TRAF7: variants seen among roughly 807,000 people sequenced by gnomAD.
TRAF7 encodes the protein TNF receptor associated factor 7.
In TRAF7, 45 loss-of-function variants were observed where a neutral mutation model predicts 89.3. That is an observed-to-expected ratio of 0.50 (90% confidence interval 0.40 to 0.65). TRAF7 has a LOEUF of 0.65. Among genes scored for constraint, TRAF7 ranks in the 30% least tolerant of loss-of-function variants. TRAF7 has a pLI of 0.00. For synonymous variants in TRAF7, 406 were observed against 369.2 expected (o/e 1.10, Z -1.14); for missense variants, 677 against 918.1 (o/e 0.74, Z 3.39).
rs759354021 is a variant in TRAF7, at chr16:2,170,682, C to T, written c.300C>T (p.Ser100=). 2.5e-6 allele frequency: 4 copies of T among 1,608,622 alleles called. No homozygotes were observed. The highest frequency in any genetic ancestry group is 1.7e-5 in the Admixed American group (1 of 59,800). ...ISVRSLHSES[S]MSLRSTFSLP... ...TCCGCTCCCTGCACTCAGAGTCCAG[C>T]ATGTCTCTGCGCTCCACATTCTCAC... The change falls in exon 5 of 21, where the codon AGC becomes AGT. Residue 100 remains serine, a synonymous_variant. Coordinates refer to ENST00000326181, the MANE Select transcript of TRAF7 (RefSeq NM_032271.3).
rs2093139278 is a variant in TRAF7, at chr16:2,176,863, T to C, written c.*289T>C. The C allele has an allele frequency of 1.8e-6, 1 of 557,934 alleles. No individual in the cohort carries two copies. Among genetic ancestry groups the C allele is most frequent in the East Asian group, 3.1e-5 (1 of 32,710 alleles). 34.6% of individuals were successfully genotyped at this position (557,934 alleles called of 1,614,324 possible). ...CTAGATGGAGCGAGGGCCTTTTTAC[T>C]CACCTTTTCTACCGTTTTTAGACTG... On this transcript the variant is annotated 3_prime_UTR_variant, in exon 21 of 21. Coordinates refer to ENST00000326181, the MANE Select transcript of TRAF7 (RefSeq NM_032271.3).
At position 2,172,237 on chromosome 16, in the gene TRAF7, C is replaced by T. The variant is rs1053459288; in HGVS notation, c.522C>T (p.Asn174=). 1 of 1,613,080 alleles carries T rather than the reference C, an allele frequency of 6.2e-7. No homozygotes were observed. The highest frequency in any genetic ancestry group is 8.5e-7 in the Non-Finnish European group (1 of 1,179,994). Residue 174 remains asparagine (N), a synonymous_variant, in exon 8 of 21, where the codon AAC becomes AAT. Coordinates refer to ENST00000326181, the MANE Select transcript of TRAF7 (RefSeq NM_032271.3). The stretch of plus-strand genomic sequence containing the variant: ...TCAAACTGACCGTGGTGGTGAACAA[C>T]ATCGCGGTGGCCGAGCAGATCGGGG... ...DNVKLTVVVN[N]IAVAEQIGEL...
rs2093061209 is a variant in TRAF7, at chr16:2,162,304, A to G, written c.-38-1579A>G. 6.6e-6 allele frequency among the ~76,000 whole-genome samples: 1 copy of G among 152,132 alleles called. No homozygotes were observed. The highest frequency in any genetic ancestry group is 2.4e-5 in the African/African-American group (1 of 41,434). The stretch of plus-strand genomic sequence containing the variant: ...CCAGGAGCTCAGGTGCAGGGAACCA[A>G]GGGCTTGAGAGCCAGCCCCTCCCTG... On this transcript the variant is annotated intron_variant, in intron 1 of 20. Coordinates refer to ENST00000326181, the MANE Select transcript of TRAF7 (RefSeq NM_032271.3). The surrounding 1 kb of genome is among the most constrained non-coding windows in gnomAD (Gnocchi z 5.0).
chr16:2,175,752 G>C, intron 17 of TRAF7, 82 bp from the exon 18 acceptor site: 1 of 1,595,900 alleles, frequency 6.3e-7, no homozygotes, highest in Non-Finnish European at 8.5e-7. Context: ...GGGCTGCCCA[G>C]CAGTGCTGAA....
In TRAF7 at chr16:2,159,017, A is replaced by T. The variant is rs527794071; in HGVS notation, c.-39+3159A>T. Among the ~76,000 whole-genome samples, 1 of 152,298 alleles carries T rather than the reference A, an allele frequency of 6.6e-6. No homozygotes were observed. The highest frequency in any genetic ancestry group is 2.1e-4 in the South Asian group (1 of 4,828). On this transcript the variant is annotated intron_variant, in intron 1 of 20. Transcript: ENST00000326181. This position sits in a 1 kb window ranked among gnomAD's most constrained non-coding sequence, Gnocchi z 6.5. ...GGTCCCCACACAATAGACAGCCATG[A>T]GATACAGGGGAAAAAAGGACTGAGA...
intron 2 of TRAF7, among the ~76,000 whole-genome samples, chr16:2,165,600 T>C (rs2093082338): frequency 7.4e-6 from 1 of 134,296 alleles, no homozygotes; most frequent in East Asian, 2.2e-4. Context: ...TGGTTAAGCG[T>C]GTGAGTGCTG....
chr16:2,166,069 A>C (rs913058278), intron 3 of TRAF7, 133 bp downstream of exon 3: 16 of 1,104,000 alleles, frequency 1.4e-5, no homozygotes, highest in African/African-American at 3.1e-5. Flanking sequence ...GCAGCCTCAC[A>C]CCGCAGCCTG....
chr16:2,173,376 A>G lies in TRAF7; in HGVS notation c.989A>G (p.Glu330Gly). 6.2e-7 allele frequency: 1 copy of G among 1,613,508 alleles called. No homozygotes were observed. The highest frequency in any genetic ancestry group is 1.1e-5 in the South Asian group (1 of 91,084). The change falls in exon 10 of 21, where the codon GAG becomes GGG. Residue 330 changes from glutamate to glycine, a missense_variant. This residue lies in a region of TRAF7 where 238 missense variants were observed against 352.6 expected (regional missense o/e 0.67). Coordinates refer to ENST00000326181, the MANE Select transcript of TRAF7 (RefSeq NM_032271.3). ...CTCTCGGAGAAGATCGACCAGCTAGAGAAGAGCCTGGAGCTCAAGTTTGGT... is the reference window on the plus strand; with the variant it reads ...CTCTCGGAGAAGATCGACCAGCTAGGGAAGAGCCTGGAGCTCAAGTTTGGT... ...GKLSEKIDQL[E>G]KSLELKFDVL...
intron 4 of TRAF7, among the ~76,000 whole-genome samples, chr16:2,169,863 G>C (rs1335757755): frequency 3.3e-5 from 5 of 152,218 alleles, no homozygotes; most frequent in Admixed American, 3.3e-4. Context: ...CTGCCGGGAA[G>C]GGGGCCAGAG....
rs1055241257 is a variant in TRAF7, at chr16:2,177,668, C to G, written c.*1094C>G. ...CACACCCTCAGAGGAGCTGCAAGCC[C>G]GTGGCCTGGCCTGCTACATGCCCTG... On this transcript the variant is annotated 3_prime_UTR_variant, in exon 21 of 21. Coordinates refer to ENST00000326181, the MANE Select transcript of TRAF7 (RefSeq NM_032271.3). 8.3e-6 allele frequency: 2 copies of G among 239,890 alleles called. No individual in the cohort carries two copies. The highest frequency in any genetic ancestry group is 6.1e-5 in the East Asian group (1 of 16,406). 14.9% of individuals were successfully genotyped at this position (239,890 alleles called of 1,614,324 possible).
rs562966160 is a variant in TRAF7 at position 2,162,162 on chromosome 16, G to A, written c.-38-1721G>A. Among the ~76,000 whole-genome samples the A allele has an allele frequency of 1.3e-5, 2 of 152,372 alleles. No individual in the cohort carries two copies. The highest frequency in any genetic ancestry group is 2.1e-4 in the South Asian group (1 of 4,834). On this transcript the variant is annotated intron_variant, in intron 1 of 20. Transcript: ENST00000326181. The surrounding 1 kb of genome is among the most constrained non-coding windows in gnomAD (Gnocchi z 5.0). Reference sequence around the variant, plus strand: ...GGGGCTGAGATGTCGGGTTGAGCCCGAGTCCTGAAGGCTGAGTGGCTCCAG... The same window carrying A: ...GGGGCTGAGATGTCGGGTTGAGCCCAAGTCCTGAAGGCTGAGTGGCTCCAG...
At position 2,165,955 on chromosome 16, in the gene TRAF7, G is replaced by C. The variant is rs370767162; in HGVS notation, c.139+19G>C. ...ACAAAAGGTGAGCCCTTAAGCCAAG[G>C]CCAGCCCAGGCTGGGAATAACCGGG... On this transcript the variant is annotated intron_variant, in intron 3 of 20. Transcript: ENST00000326181. The C allele has an allele frequency of 3.7e-6, 6 of 1,613,866 alleles. No individual in the cohort carries two copies. The highest frequency in any genetic ancestry group is 1.3e-5 in the African/African-American group (1 of 74,936).
Position 2,178,090 on chromosome 16 carries a change from C to T in TRAF7, c.*1516C>T, listed in dbSNP as rs941573327. 2.0e-6 allele frequency: 1 copy of T among 498,706 alleles called. No homozygotes were observed. The highest frequency in any genetic ancestry group is 2.0e-5 in the African/African-American group (1 of 51,042). The allele number at this position is 498,706 out of a possible 1,614,324, so 30.9% of individuals were successfully genotyped here. A position where few individuals can be genotyped will look rare whatever the true frequency, so the allele number is the denominator to read the frequency against. On this transcript the variant is annotated 3_prime_UTR_variant, in exon 21 of 21. Coordinates refer to ENST00000326181, the MANE Select transcript of TRAF7 (RefSeq NM_032271.3). Reference sequence around the variant, plus strand: ...TTTTTGTTTCTCTGGGGAAATCCGCCTCAGCTCATTCCCAATAAATTAATA... The same window carrying T: ...TTTTTGTTTCTCTGGGGAAATCCGCTTCAGCTCATTCCCAATAAATTAATA...
Position 2,168,112 on chromosome 16 carries a change from A to T in TRAF7, c.175A>T (p.Thr59Ser). 1 of 1,612,216 alleles carries T rather than the reference A, an allele frequency of 6.2e-7. No homozygotes were observed. Among genetic ancestry groups the T allele is most frequent in the South Asian group, 1.1e-5 (1 of 91,030 alleles). ...CAGCACCTACAAGCAGCACTGCAGGACACCCTCCTCCTCCAGCACCCTTGC... is the reference window on the plus strand; with the variant it reads ...CAGCACCTACAAGCAGCACTGCAGGTCACCCTCCTCCTCCAGCACCCTTGC... ...GTSTYKQHCR[T>S]PSSSSTLAYS... The change falls in exon 4 of 21, where the codon ACA becomes TCA. Residue 59 changes from threonine (T) to serine (S), a missense_variant. Transcript: ENST00000326181. This position sits in a 1 kb window ranked among gnomAD's most constrained non-coding sequence, Gnocchi z 4.1.
At chr16:2,173,870 C>G (rs778025760) in intron 12 of TRAF7, 34 bp downstream of exon 12, 1 of 1,606,158 alleles carries the variant, frequency 6.2e-7, no homozygotes, top group Admixed American at 1.7e-5. Flanking sequence ...CCCGCCCACC[C>G]TCCCCCCCGG....
chr16:2,160,984 T>A (rs1020699331), intron 1 of TRAF7, among the ~76,000 whole-genome samples: 3 of 152,032 alleles, frequency 2.0e-5, no homozygotes, highest in South Asian at 2.1e-4. Flanking sequence ...CCCTGGGGAC[T>A]GGGCTGAGGG....
Position 2,173,541 on chromosome 16 carries a change from C to T in TRAF7, c.1073C>T (p.Ala358Val), listed in dbSNP as rs1159656049. Reference protein sequence around the residue: ...SEDLMEFRRDASMLNDELSHI... With the variant: ...SEDLMEFRRDVSMLNDELSHI... The stretch of plus-strand genomic sequence containing the variant: ...GACCTCATGGAGTTCCGGCGGGACG[C>T]ATCCATGTTAAATGTGAGCGGGCGG... Residue 358 changes from alanine to valine, a missense_variant, in exon 11 of 21, where the codon GCA (alanine) becomes GTA (valine). Physicochemically the swap from Ala to Val is moderately conservative, Grantham distance 64. Transcript: ENST00000326181. The T allele has an allele frequency of 6.2e-7, 1 of 1,613,236 alleles. No homozygotes were observed. The highest frequency in any genetic ancestry group is 8.5e-7 in the Non-Finnish European group (1 of 1,179,832).
chr16:2,172,678 G>A, intron 9 of TRAF7, 79 bp downstream of exon 9: 2 of 1,468,596 alleles, frequency 1.4e-6, no homozygotes, highest in Non-Finnish European at 1.8e-6. Context: ...CCCGCTTGCT[G>A]GTCCCGGGGA....
In TRAF7 at chr16:2,171,286, A is replaced by C; in HGVS notation, c.371A>C (p.Gln124Pro). The C allele has an allele frequency of 6.4e-7, 1 of 1,553,308 alleles. No homozygotes were observed. Among genetic ancestry groups the C allele is most frequent in the Non-Finnish European group, 8.7e-7 (1 of 1,149,244 alleles). ...EEPEPLVFAE[Q>P]PSVKLCCQLC... ...CAGGAGCCACTGGTGTTTGCGGAGCAGCCCTCGGTGAAGCTGTGCTGTCAG... is the reference window on the plus strand; with the variant it reads ...CAGGAGCCACTGGTGTTTGCGGAGCCGCCCTCGGTGAAGCTGTGCTGTCAG... Residue 124 changes from glutamine (Q) to proline (P), a missense_variant, in exon 6 of 21, where the codon CAG becomes CCG. Physicochemically the swap from Gln to Pro is moderately conservative, Grantham distance 76. This residue lies in a region of TRAF7 where 240 missense variants were observed against 191.9 expected (regional missense o/e 1.25). Transcript: ENST00000326181.
Sources: gnomAD v4.1 joint callset for allele counts (sites outside exome capture counted in the v4.1 genomes callset) on GRCh38, gnomAD v4.1.1 for gene constraint, gnomAD v4.1.1 regional missense constraint, Gnocchi (gnomAD v3.1) non-coding constraint, MANE v1.5 for transcripts, NCBI Gene and HGNC (gene_info 2026-07-23, HGNC 2026-07-21) for gene names.